TRIO: variants seen among roughly 807,000 people sequenced by gnomAD.
TRIO encodes the protein trio Rho guanine nucleotide exchange factor, also known as triple functional domain protein.
TRIO carries 58 observed loss-of-function variants against 351.9 expected under a neutral mutation model. The ratio of observed to expected loss-of-function variants is 0.16; its 90% CI spans 0.13 to 0.21. The LOEUF is 0.21. Among genes scored for constraint, TRIO ranks in the 10% least tolerant of loss-of-function variants. TRIO has a pLI of 1.00. For synonymous variants in TRIO, 1,758 were observed against 1,595.7 expected, an observed-to-expected ratio of 1.10 and a Z score of -2.42; for missense variants, 3,201 against 4,027.8, an observed-to-expected ratio of 0.79 and a Z score of 5.56.
At chr5:14,306,374 G>A in intron 8 of TRIO, among the ~76,000 whole-genome samples, 1 of 152,264 alleles carries the variant, frequency 6.6e-6, no homozygotes, top group East Asian at 1.9e-4. Flanking sequence ...ACTGAAAATT[G>A]AACACATTTA....
chr5:14,260,054 A>G (rs1004756256), intron 1 of TRIO, among the ~76,000 whole-genome samples: 5 of 152,240 alleles, frequency 3.3e-5, no homozygotes, highest in African/African-American at 7.2e-5. Flanking sequence ...GGTTTCTAAT[A>G]TTAGAACATC....
intron 53 of TRIO, among the ~76,000 whole-genome samples, chr5:14,502,259 A>C (rs1030715037): frequency 1.3e-5 from 2 of 152,240 alleles, no homozygotes; most frequent in Admixed American, 1.3e-4. Context: ...TTTTTCTAGT[A>C]AACACATTTT....
intron 1 of TRIO, among the ~76,000 whole-genome samples, chr5:14,260,573 G>A (rs916714956): frequency 2.0e-5 from 3 of 152,174 alleles, no homozygotes; most frequent in African/African-American, 7.2e-5. Flanking sequence ...ATTTATTTTT[G>A]TACTGAGTTT....
intron 1 of TRIO, among the ~76,000 whole-genome samples, chr5:14,205,702 G>C (rs926261991): frequency 3.9e-5 from 6 of 152,076 alleles, no homozygotes; most frequent in Non-Finnish European, 8.8e-5. Context: ...AACATTATAC[G>C]CATACAAATA....
intron 15 of TRIO, among the ~76,000 whole-genome samples, chr5:14,365,120 C>T (rs901416314): frequency 9.9e-5 from 15 of 152,218 alleles, no homozygotes; most frequent in Admixed American, 5.2e-4. Flanking sequence ...TTGCTTGAAA[C>T]CCTGAGCATA....
intron 49 of TRIO, 140 bp from the exon 50 acceptor site, chr5:14,496,739 C>T (rs1756918920): frequency 1.9e-6 from 2 of 1,080,118 alleles, no homozygotes; most frequent in Admixed American, 3.0e-5. Context: ...TTTTCTCTAA[C>T]AGAGGTCACA....
In TRIO at chr5:14,321,943, T is replaced by G. The variant is rs550157827; in HGVS notation, c.1731+5200T>G. 2.0e-5 allele frequency among the ~76,000 whole-genome samples: 3 copies of G among 152,366 alleles called. No individual in the cohort carries two copies. In the East Asian group the frequency reaches 5.8e-4, roughly 29 times the overall value. On this transcript the variant is annotated intron_variant, in intron 9 of 56. Coordinates refer to ENST00000344204, the MANE Select transcript of TRIO (RefSeq NM_007118.4). ...CTCCTTTGCCTTCCACCATGATTGT[T>G]AGGCCTCCCTAGCCATGCTGATCTG... is the stretch of plus-strand genomic sequence containing the variant.
intron 1 of TRIO, among the ~76,000 whole-genome samples, chr5:14,175,039 T>A (rs909362588): frequency 6.6e-6 from 1 of 152,214 alleles, no homozygotes; most frequent in Non-Finnish European, 1.5e-5. Flanking sequence ...TTAAAATCTT[T>A]TGATGATCAT....
intron 8 of TRIO, among the ~76,000 whole-genome samples, chr5:14,306,066 T>C (rs1738341111): frequency 6.6e-6 from 1 of 151,616 alleles, no homozygotes; most frequent in African/African-American, 2.4e-5. Context: ...AAGGACGAAA[T>C]TGCCTAATGA....
intron 53 of TRIO, among the ~76,000 whole-genome samples, chr5:14,499,910 G>A (rs1463008536): frequency 6.6e-6 from 1 of 151,854 alleles, no homozygotes; most frequent in Admixed American, 6.6e-5. Context: ...AAATTAGCCG[G>A]CGTGGTGGCA....
chr5:14,435,218 AAAG>A (rs1212651637), intron 34 of TRIO, among the ~76,000 whole-genome samples: 1 of 152,188 alleles, frequency 6.6e-6, no homozygotes, highest in Non-Finnish European at 1.5e-5. Context: ...AAAGGGAAAA[AAAG>A]GGGGAAAGAA....
intron 1 of TRIO, among the ~76,000 whole-genome samples, chr5:14,263,189 T>A (rs138395057): frequency 3.3e-5 from 5 of 152,188 alleles, no homozygotes; most frequent in African/African-American, 1.2e-4. Flanking sequence ...TGACAACTCA[T>A]ATGTGTTGCT....
chr5:14,324,092 G>A (rs1370638404), intron 9 of TRIO, among the ~76,000 whole-genome samples: 3 of 152,044 alleles, frequency 2.0e-5, no homozygotes, highest in South Asian at 2.1e-4. Flanking sequence ...TTTCCCCAGC[G>A]ATTTAAATAA....
chr5:14,244,692 C>T (rs917929851), intron 1 of TRIO, among the ~76,000 whole-genome samples: 1 of 152,232 alleles, frequency 6.6e-6, no homozygotes, highest in South Asian at 2.1e-4. Flanking sequence ...CCATGTTTGA[C>T]TCCTCACCGT....
chr5:14,280,523 A>G, intron 3 of TRIO, 87 bp downstream of exon 3: 1 of 1,164,102 alleles, frequency 8.6e-7, no homozygotes. Context: ...GCTAAATTGT[A>G]GCCTGCATTC....
intron 24 of TRIO, among the ~76,000 whole-genome samples, chr5:14,389,041 A>G (rs1395825387): frequency 2.6e-5 from 4 of 152,200 alleles, no homozygotes; most frequent in Non-Finnish European, 5.9e-5. Context: ...ATACTTGTGG[A>G]GTAGGTTAAT....
chr5:14,173,371 C>T lies in TRIO; in HGVS notation c.157+29489C>T, dbSNP rs546056048. On this transcript the variant is annotated intron_variant, in intron 1 of 56. Coordinates refer to ENST00000344204, the MANE Select transcript of TRIO (RefSeq NM_007118.4). ...GACTGCAGGCATGCACCACCATGTC[C>T]GGCTAAGTTTTTCTATTTTCAGTAG... is the stretch of plus-strand genomic sequence containing the variant. 4.6e-5 allele frequency among the ~76,000 whole-genome samples: 7 copies of T among 151,902 alleles called. 1 individual carries two copies. In the South Asian group the frequency reaches 6.3e-4, roughly 14 times the overall value.
At chr5:14,400,419 C>T (rs6868093) in intron 30 of TRIO, among the ~76,000 whole-genome samples, 327 of 152,300 alleles carry the variant, frequency 2.1e-3, no homozygotes, top group African/African-American at 7.4e-3. Context: ...ATTGACCTTT[C>T]TCTGCATGCT....
chr5:14,170,751 C>A (rs183959857), intron 1 of TRIO, among the ~76,000 whole-genome samples: 131 of 152,210 alleles, frequency 8.6e-4, no homozygotes, highest in Non-Finnish European at 1.7e-3. Context: ...GTGATCCTCT[C>A]GCCTTCGCTT....
Sources: allele counts gnomAD v4.1 joint callset (sites outside exome capture counted in the v4.1 genomes callset), GRCh38; gene constraint gnomAD v4.1.1; transcripts MANE v1.5; gene names NCBI Gene and HGNC (gene_info 2026-07-23, HGNC 2026-07-21).